Variants in IFT56 observed in about 807,000 individuals in gnomAD.
IFT56 encodes intraflagellar transport 56.
chr7:139,182,580 T>C, the IFT56 span, among the ~76,000 whole-genome samples: 18 of 152,252 alleles, frequency 1.2e-4, no homozygotes, highest in Non-Finnish European at 2.4e-4. Flanking sequence ...AGATTAGCAA[T>C]GTAGATTTAG....
chr7:139,176,497 A>G, the IFT56 span, among the ~76,000 whole-genome samples: 2 of 152,182 alleles, frequency 1.3e-5, no homozygotes, highest in Non-Finnish European at 2.9e-5. Flanking sequence ...GTTCACCTAT[A>G]TTGCCCACTA....
chr7:139,149,963 C>T, the IFT56 span, among the ~76,000 whole-genome samples: 1 of 151,898 alleles, frequency 6.6e-6, no homozygotes, highest in Non-Finnish European at 1.5e-5. Flanking sequence ...ATATGTTCTA[C>T]ACTATATCTA....
chr7:139,140,775 C>A, the IFT56 span, among the ~76,000 whole-genome samples: 214 of 74,872 alleles, frequency 2.9e-3, no homozygotes, highest in South Asian at 4.7e-3. Context: ...AACTCCACCT[C>A]AAAAAAAAAA....
At chr7:139,149,730 T>C in the IFT56 span, among the ~76,000 whole-genome samples, 2 of 152,152 alleles carry the variant, frequency 1.3e-5, no homozygotes, top group African/African-American at 4.8e-5. Context: ...TTAGTTTCCC[T>C]GACAAGCCTG....
the IFT56 span, chr7:139,166,924 A>G: frequency 2.1e-6 from 3 of 1,462,674 alleles, no homozygotes. Flanking sequence ...TATTTTTACT[A>G]ACCAAGTTCT....
At chr7:139,185,219 C>T in the IFT56 span, among the ~76,000 whole-genome samples, 1 of 151,720 alleles carries the variant, frequency 6.6e-6, no homozygotes, top group Non-Finnish European at 1.5e-5. Context: ...AAGAGTAATT[C>T]GGTATCTTGA....
chr7:139,161,563 G>A, the IFT56 span, among the ~76,000 whole-genome samples: 3 of 152,208 alleles, frequency 2.0e-5, no homozygotes, highest in South Asian at 6.2e-4. Flanking sequence ...TCTCAATTCA[G>A]ATACCTGGGA....
the IFT56 span, among the ~76,000 whole-genome samples, chr7:139,188,682 G>C: frequency 6.6e-6 from 1 of 152,138 alleles, no homozygotes; most frequent in Admixed American, 6.5e-5. Flanking sequence ...CTACAGATTT[G>C]CTAGGGCAAT....
chr7:139,154,956 C>T, the IFT56 span, among the ~76,000 whole-genome samples: 2 of 151,412 alleles, frequency 1.3e-5, no homozygotes, highest in Non-Finnish European at 2.9e-5. Flanking sequence ...TAAATCCATT[C>T]ACATGGAATG....
At chr7:139,173,221 T>A in the IFT56 span, 1 of 468,954 alleles carries the variant, frequency 2.1e-6, no homozygotes, top group East Asian at 3.6e-5. Context: ...TTGTACAAAG[T>A]CACCTTTTTT....
At chr7:139,185,651 G>T in the IFT56 span, among the ~76,000 whole-genome samples, 5 of 152,064 alleles carry the variant, frequency 3.3e-5, no homozygotes, top group South Asian at 2.1e-4. Flanking sequence ...TTACCTCTGG[G>T]TATGGAAAGA....
the IFT56 span, among the ~76,000 whole-genome samples, chr7:139,160,606 A>G: frequency 6.6e-6 from 1 of 151,776 alleles, no homozygotes; most frequent in East Asian, 1.9e-4. Flanking sequence ...ATTTTTTTGT[A>G]CTTTTAGTAG....
At chr7:139,181,700 T>C in the IFT56 span, among the ~76,000 whole-genome samples, 1 of 152,218 alleles carries the variant, frequency 6.6e-6, no homozygotes, top group Non-Finnish European at 1.5e-5. Flanking sequence ...CCATATGATA[T>C]AGCTTATTGC....
At chr7:139,141,541 T>C in the IFT56 span, among the ~76,000 whole-genome samples, 2 of 152,236 alleles carry the variant, frequency 1.3e-5, no homozygotes, top group Admixed American at 6.5e-5. Flanking sequence ...TTGTAGGCTT[T>C]ATCTGTGCTA....
the IFT56 span, among the ~76,000 whole-genome samples, chr7:139,175,137 C>T: frequency 2.6e-5 from 4 of 152,024 alleles, no homozygotes; most frequent in East Asian, 7.7e-4. Flanking sequence ...AGTGAGATAC[C>T]ATCTCACTCC....
chr7:139,143,716 A>G, the IFT56 span, among the ~76,000 whole-genome samples: 1 of 151,794 alleles, frequency 6.6e-6, no homozygotes, highest in Non-Finnish European at 1.5e-5. Context: ...CCATCCTGTT[A>G]TTAGTTCTCT....
the IFT56 span, among the ~76,000 whole-genome samples, chr7:139,172,292 C>T: frequency 6.6e-6 from 1 of 152,200 alleles, no homozygotes; most frequent in Non-Finnish European, 1.5e-5. Flanking sequence ...ATGGCCTGCA[C>T]AGTAGCAAGT....
At chr7:139,189,033 G>A in the IFT56 span, among the ~76,000 whole-genome samples, 1 of 152,150 alleles carries the variant, frequency 6.6e-6, no homozygotes, top group African/African-American at 2.4e-5. Flanking sequence ...GAATAGTTAG[G>A]TCATCTCAGA....
chr7:139,181,829 A>T, the IFT56 span, among the ~76,000 whole-genome samples: 2 of 152,226 alleles, frequency 1.3e-5, no homozygotes, highest in Non-Finnish European at 2.9e-5. Context: ...CACAGTAAAA[A>T]TATAATATTA....
Sources: gnomAD v4.1 joint callset for allele counts (sites outside exome capture counted in the v4.1 genomes callset) on GRCh38, gnomAD v4.1.1 for gene constraint, MANE v1.5 for transcripts, NCBI Gene and HGNC (gene_info 2026-07-23, HGNC 2026-07-21) for gene names.